Variants in SCAF4 observed in about 807,000 individuals in gnomAD.
SCAF4 encodes the protein SR-related and CTD-associated factor 4.
Under a neutral mutation model 129.8 loss-of-function variants are expected in SCAF4, and 25 were observed. The ratio of observed to expected loss-of-function variants is 0.19; its 90% CI spans 0.14 to 0.27. SCAF4 has a LOEUF of 0.27. SCAF4 is among the 10% of genes least tolerant of loss of function. The pLI is 1.00. For synonymous variants in SCAF4, 551 were observed against 497.7 expected, an observed-to-expected ratio of 1.11 and a Z score of -1.43; for missense variants, 1,246 against 1,457.1, an observed-to-expected ratio of 0.86 and a Z score of 2.36.
At chr21:31,730,647 A>G (rs1479313591) in intron 1 of SCAF4, among the ~76,000 whole-genome samples, 1 of 152,242 alleles carries the variant, frequency 6.6e-6, no homozygotes, top group South Asian at 2.1e-4. Context: ...AAGGGAAGAC[A>G]ATACAACTCA....
At position 31,731,905 on chromosome 21, in the gene SCAF4, G is replaced by A. The variant is rs1315284156; in HGVS notation, c.-213C>T. The A allele has an allele frequency of 4.0e-6, 2 of 499,016 alleles. No homozygotes were observed. The highest frequency in any genetic ancestry group is 2.0e-5 in the African/African-American group (1 of 49,026). The allele number at this position is 499,016 out of a possible 1,614,324, so 30.9% of individuals were successfully genotyped here. A position where few individuals can be genotyped will look rare whatever the true frequency, so the allele number is the denominator to read the frequency against. ...AGGTGGCGGGCCCCCTCTCAGTCCC[G>A]TTCGCAGGATGAGGAAAAGGAGGCG... On this transcript the variant is annotated 5_prime_UTR_variant, in exon 1 of 20. In the 5' UTR this introduces an upstream ATG that the reference lacks. Coordinates refer to ENST00000286835, the MANE Select transcript of SCAF4 (RefSeq NM_020706.2).
chr21:31,715,038 T>C (rs1298872716), intron 1 of SCAF4, among the ~76,000 whole-genome samples: 1 of 152,218 alleles, frequency 6.6e-6, no homozygotes, highest in Admixed American at 6.5e-5. Flanking sequence ...CCTATTTCTG[T>C]AGTAAGAAAT....
intron 1 of SCAF4, among the ~76,000 whole-genome samples, chr21:31,707,893 T>C (rs1451552186): frequency 6.6e-6 from 1 of 152,134 alleles, no homozygotes; most frequent in Non-Finnish European, 1.5e-5. Context: ...AAAAACCAGA[T>C]AACTACTTAA....
At position 31,690,828 on chromosome 21, in the gene SCAF4, T is replaced by C; in HGVS notation, c.1854A>G (p.Gly618=). 6.2e-7 allele frequency: 1 copy of C among 1,613,640 alleles called. No homozygotes were observed. The highest frequency in any genetic ancestry group is 8.5e-7 in the Non-Finnish European group (1 of 1,179,794). Residue 618 remains glycine (G), a synonymous_variant, in exon 15 of 20, where the codon GGA becomes GGG. Transcript: ENST00000286835. ...KPEELESFCE[G]GMLDSDTLNP... ...TAAGTGTGTCACTGTCCAACATTCC[T>C]CCTTCACAAAAACTCTCCAGTTCCT... is the stretch of plus-strand genomic sequence containing the variant.
At chr21:31,730,635 G>A (rs913294654) in intron 1 of SCAF4, among the ~76,000 whole-genome samples, 1 of 152,134 alleles carries the variant, frequency 6.6e-6, no homozygotes, top group Admixed American at 6.5e-5. Flanking sequence ...TTGGTATTTG[G>A]AAAGGGAAGA....
Position 31,672,326 on chromosome 21 carries a change from T to G in SCAF4, c.2517A>C (p.Val839=). The change falls in exon 20 of 20, where the codon GTA becomes GTC. Residue 839 remains valine (V), a synonymous_variant. Transcript: ENST00000286835. ...CAGTAGATGGTGCCTGAAGTCCAAT[T>G]ACAGGACCAGGGGCAACTCCTTGAG... ...LGTQGVAPGP[V]IGLQAPSTGL... 1 of 1,613,632 alleles carries G rather than the reference T, an allele frequency of 6.2e-7. No homozygotes were observed.
At chr21:31,726,237 G>T (rs1298911982) in intron 1 of SCAF4, among the ~76,000 whole-genome samples, 3 of 152,030 alleles carry the variant, frequency 2.0e-5, no homozygotes, top group African/African-American at 7.3e-5. Context: ...AGTAGAGACG[G>T]GGTTTCACCG....
At chr21:31,678,990 A>C (rs1189312649) in intron 19 of SCAF4, among the ~76,000 whole-genome samples, 7 of 152,228 alleles carry the variant, frequency 4.6e-5, no homozygotes, top group Non-Finnish European at 8.8e-5. Flanking sequence ...TTTATTGAAC[A>C]TATGAGTGAA....
intron 1 of SCAF4, among the ~76,000 whole-genome samples, chr21:31,716,117 C>A (rs1333057548): frequency 3.9e-5 from 6 of 152,090 alleles, no homozygotes; most frequent in Non-Finnish European, 8.8e-5. Context: ...CTAATCTAAG[C>A]CATCTTTTTA....
intron 19 of SCAF4, among the ~76,000 whole-genome samples, chr21:31,675,721 G>C (rs1030269950): frequency 6.6e-6 from 1 of 152,110 alleles, no homozygotes; most frequent in African/African-American, 2.4e-5. Context: ...AAAACACACT[G>C]GAGTTTAACT....
chr21:31,681,377 T>C (rs541493953), intron 19 of SCAF4, among the ~76,000 whole-genome samples: 2 of 152,240 alleles, frequency 1.3e-5, no homozygotes, highest in African/African-American at 4.8e-5. Flanking sequence ...TTTTTGTGTA[T>C]TCTTTTTTAT....
At chr21:31,674,228 A>G (rs542815503) in intron 19 of SCAF4, among the ~76,000 whole-genome samples, 2 of 152,304 alleles carry the variant, frequency 1.3e-5, no homozygotes, top group East Asian at 3.9e-4. Context: ...CACATCTCTT[A>G]AGTACTTTAC....
At chr21:31,696,987 C>G (rs536020887) in intron 7 of SCAF4, among the ~76,000 whole-genome samples, 1 of 152,198 alleles carries the variant, frequency 6.6e-6, no homozygotes, top group South Asian at 2.1e-4. Flanking sequence ...ATTGTAAGTA[C>G]AGTGCTTTCT....
intron 1 of SCAF4, among the ~76,000 whole-genome samples, chr21:31,723,215 G>C (rs938662850): frequency 2.6e-5 from 4 of 152,120 alleles, no homozygotes; most frequent in Non-Finnish European, 5.9e-5. Context: ...AATTTTAATA[G>C]TCATTGACAA....
intron 5 of SCAF4, 37 bp downstream of exon 5, chr21:31,702,207 T>C: frequency 1.9e-6 from 3 of 1,612,050 alleles, no homozygotes; most frequent in Non-Finnish European, 2.5e-6. Flanking sequence ...CAAAAAATCA[T>C]ACCATTGTGT....
chr21:31,696,325 C>T (rs1252411983), intron 8 of SCAF4, 104 bp from the exon 9 acceptor site: 2 of 851,956 alleles, frequency 2.3e-6, no homozygotes, highest in African/African-American at 3.4e-5. Flanking sequence ...TAACATTTTA[C>T]TGAACCATAT....
At chr21:31,717,162 G>A (rs530563007) in intron 1 of SCAF4, among the ~76,000 whole-genome samples, 5 of 152,218 alleles carry the variant, frequency 3.3e-5, no homozygotes, top group Admixed American at 6.5e-5. Context: ...TTTTAATTCC[G>A]AAGAGAAATT....
At chr21:31,695,676 A>G (rs2050368150) in intron 9 of SCAF4, among the ~76,000 whole-genome samples, 1 of 152,216 alleles carries the variant, frequency 6.6e-6, no homozygotes, top group Admixed American at 6.5e-5. Flanking sequence ...TTACTGGAAC[A>G]AATTTATCTC....
chr21:31,687,209 C>T (rs2123508014), intron 16 of SCAF4, among the ~76,000 whole-genome samples: 1 of 152,280 alleles, frequency 6.6e-6, no homozygotes, highest in East Asian at 1.9e-4. Context: ...AAGAAAAATC[C>T]AGTAGATCAC....
Sources: gnomAD v4.1 joint callset for allele counts (sites outside exome capture counted in the v4.1 genomes callset) on GRCh38, gnomAD v4.1.1 for gene constraint, MANE v1.5 for transcripts, NCBI Gene and HGNC (gene_info 2026-07-23, HGNC 2026-07-21) for gene names.